Variants in PRSS3 observed in about 807,000 individuals in gnomAD.
The protein encoded by PRSS3 is trypsin-3.
PRSS3 carries 14 observed loss-of-function variants against 20.8 expected under a neutral mutation model. The ratio of observed to expected loss-of-function variants is 0.67; its 90% CI spans 0.44 to 1.05. The LOEUF (loss-of-function observed/expected upper bound fraction) is 1.05, where lower values mean the gene tolerates loss of function less well. PRSS3 is among the 50% of genes least tolerant of loss of function. The pLI is 0.00. For missense variants in PRSS3, 237 were observed against 306.4 expected, an observed-to-expected ratio of 0.77 and a Z score of 1.69; for synonymous variants, 91 against 117.6, an observed-to-expected ratio of 0.77 and a Z score of 1.46.
chr9:33,780,532 TG>T (rs1310863098), intron 1 of PRSS3, among the ~76,000 whole-genome samples: 1 of 152,122 alleles, frequency 6.6e-6, no homozygotes, highest in Non-Finnish European at 1.5e-5. Flanking sequence ...AACATGGGTA[TG>T]AAATCAAAAT....
upstream of PRSS3, among the ~76,000 whole-genome samples, chr9:33,791,536 T>C (rs1824629074): frequency 6.6e-6 from 1 of 152,170 alleles, no homozygotes; most frequent in Non-Finnish European, 1.5e-5. Context: ...GAAAAATAAA[T>C]ACATACACCA....
In PRSS3 at chr9:33,750,745, G is replaced by T. The variant is rs1159185223; in HGVS notation, c.-53+18G>T. ...GGGCACAGGTCAGACGTCAGTACCC[G>T]CAGGGGGCTTGAAACTGGAGGAGGG... is the stretch of plus-strand genomic sequence containing the variant. On this transcript the variant is annotated intron_variant, in intron 1 of 5. Transcript: ENST00000342836. The surrounding 1 kb of genome is among the most constrained non-coding windows in gnomAD (Gnocchi z 4.8). The T allele has an allele frequency of 2.7e-5, 38 of 1,422,176 alleles. No homozygotes were observed. The highest frequency in any genetic ancestry group is 2.0e-4 in the Middle Eastern group (1 of 5,062). 88.1% of individuals were successfully genotyped at this position (1,422,176 alleles called of 1,614,324 possible).
intron 4 of PRSS3, 127 bp from the exon 5 acceptor site, chr9:33,798,901 G>T: frequency 1.5e-6 from 2 of 1,294,884 alleles, no homozygotes; most frequent in Non-Finnish European, 2.2e-6. Context: ...ACAGAGAATG[G>T]GCCACCGTGG....
Position 33,750,856 on chromosome 9 carries a change from C to T in PRSS3, c.-53+129C>T. 1 of 1,370,102 alleles carries T rather than the reference C, an allele frequency of 7.3e-7. No individual in the cohort carries two copies. The allele number at this position is 1,370,102 out of a possible 1,614,324, so 84.9% of individuals were successfully genotyped here. On this transcript the variant is annotated intron_variant, in intron 1 of 5. Coordinates refer to the PRSS3 transcript ENST00000342836. This position sits in a 1 kb window ranked among gnomAD's most constrained non-coding sequence, Gnocchi z 4.8. ...CGCATGGGACCTGCGGGGGAGGGTA[C>T]GCGGACAGGGAGGGGATACCGACTG... is the stretch of plus-strand genomic sequence containing the variant.
At chr9:33,769,030 T>C (rs1231019945) in intron 1 of PRSS3, among the ~76,000 whole-genome samples, 1 of 152,134 alleles carries the variant, frequency 6.6e-6, no homozygotes, top group East Asian at 1.9e-4. Flanking sequence ...TGGACCTTGT[T>C]ATACAGTGGC....
rs1587401775 is a variant in PRSS3 at position 33,796,645 on chromosome 9, G to T, written c.43G>T (p.Ala15Ser). 1.2e-6 allele frequency: 2 copies of T among 1,613,964 alleles called. No individual in the cohort carries two copies. The highest frequency in any genetic ancestry group is 1.3e-5 in the African/African-American group (1 of 75,046). ...LILAFVGAAV[A>S]VPFDDDDKIV... is the part of the protein sequence containing the mutation. ...CTCCCTTCCTATTTCCACTCCAGTTGCTGTCCCCTTTGACGATGATGACAA... is the reference window on the plus strand; with the variant it reads ...CTCCCTTCCTATTTCCACTCCAGTTTCTGTCCCCTTTGACGATGATGACAA... The change falls in exon 2 of 5, where the codon GCT (alanine) becomes TCT (serine). Residue 15 changes from alanine (A) to serine (S), a missense_variant and splice_region_variant. Ala to Ser is a moderately conservative substitution (Grantham distance 99, BLOSUM62 1). Transcript: ENST00000379405.
chr9:33,761,245 T>G (rs1328056131), intron 1 of PRSS3, among the ~76,000 whole-genome samples: 1 of 152,258 alleles, frequency 6.6e-6, no homozygotes, highest in Non-Finnish European at 1.5e-5. Context: ...CTGTCAGTAC[T>G]GAGCATACGC....
At chr9:33,763,389 A>C (rs1217504477) in intron 1 of PRSS3, among the ~76,000 whole-genome samples, 1 of 152,218 alleles carries the variant, frequency 6.6e-6, no homozygotes, top group African/African-American at 2.4e-5. Flanking sequence ...AGAGAATTAC[A>C]TGTGGTTTTG....
At chr9:33,775,542 C>T (rs915809067) in intron 1 of PRSS3, among the ~76,000 whole-genome samples, 3 of 152,140 alleles carry the variant, frequency 2.0e-5, no homozygotes, top group Admixed American at 2.0e-4. Flanking sequence ...GTGAGCTCTT[C>T]ACGCATCCCT....
chr9:33,767,552 G>A (rs932191306), intron 1 of PRSS3, among the ~76,000 whole-genome samples: 26 of 151,908 alleles, frequency 1.7e-4, no homozygotes, highest in Admixed American at 1.5e-3. Context: ...GGCCGGGCGC[G>A]GTGACTCACA....
intron 1 of PRSS3, among the ~76,000 whole-genome samples, chr9:33,789,875 G>A (rs1163258651): frequency 6.6e-6 from 1 of 152,018 alleles, no homozygotes; most frequent in African/African-American, 2.4e-5. Flanking sequence ...TTAACACTAG[G>A]TGTAACCTTA....
At chr9:33,785,160 ATTTTTTTTTTTTTTTTTTTTTT>A (rs74180504) in intron 1 of PRSS3, among the ~76,000 whole-genome samples, 1 of 72,496 alleles carries the variant, frequency 1.4e-5, no homozygotes. Context: ...ATTGTGGTCA[ATTTTTTTTTTTTTTTTTTTTTT>A]TTTTTTTTTT....
At chr9:33,759,681 C>T (rs1823097438) in intron 1 of PRSS3, among the ~76,000 whole-genome samples, 1 of 152,270 alleles carries the variant, frequency 6.6e-6, no homozygotes, top group Non-Finnish European at 1.5e-5. Context: ...ATGTGCATGT[C>T]TGTCTATTCA....
At chr9:33,779,799 G>GTGGAGCT (rs1342273250) in intron 1 of PRSS3, among the ~76,000 whole-genome samples, 1 of 147,348 alleles carries the variant, frequency 6.8e-6, no homozygotes, top group Non-Finnish European at 1.5e-5. Context: ...AACCTGGGAG[G>GTGGAGCT]TGGAGCTTGC....
chr9:33,790,154 T>C (rs1824568626), intron 1 of PRSS3, among the ~76,000 whole-genome samples: 1 of 152,232 alleles, frequency 6.6e-6, no homozygotes, highest in African/African-American at 2.4e-5. Flanking sequence ...CTTTTAGCTA[T>C]TTTAATTACA....
intron 3 of PRSS3, 27 bp downstream of exon 3, chr9:33,798,109 T>A: frequency 6.2e-7 from 1 of 1,614,236 alleles, no homozygotes; most frequent in Non-Finnish European, 8.5e-7. Context: ...GTCCTTCTAC[T>A]TCCCCCCATC....
intron 1 of PRSS3, among the ~76,000 whole-genome samples, chr9:33,774,522 C>G (rs1823836412): frequency 6.6e-6 from 1 of 152,038 alleles, no homozygotes; most frequent in South Asian, 2.1e-4. Flanking sequence ...TGAGGCAGGG[C>G]AGGGAGGAGG....
intron 1 of PRSS3, among the ~76,000 whole-genome samples, chr9:33,781,334 A>G (rs1040272638): frequency 6.6e-6 from 1 of 152,268 alleles, no homozygotes. Context: ...GCTATGGAAT[A>G]CTACACAGCC....
chr9:33,798,310 G>A, intron 3 of PRSS3, 176 bp from the exon 4 acceptor site: 3 of 1,254,396 alleles, frequency 2.4e-6, no homozygotes, highest in Non-Finnish European at 3.3e-6. Context: ...CGTCTTGGGA[G>A]GGGTTCAACA....
Sources: gnomAD v4.1 joint callset for allele counts (sites outside exome capture counted in the v4.1 genomes callset) on GRCh38, gnomAD v4.1.1 for gene constraint, Gnocchi (gnomAD v3.1) non-coding constraint, MANE v1.5 for transcripts, NCBI Gene and HGNC (gene_info 2026-07-23, HGNC 2026-07-21) for gene names.